Variants in EYS observed in about 807,000 individuals in gnomAD.
The protein encoded by EYS is protein eyes shut homolog.
Under a neutral mutation model 282.1 loss-of-function variants are expected in EYS, and 250 were observed. The ratio of observed to expected loss-of-function variants is 0.89; its 90% confidence interval spans 0.80 to 0.98. The LOEUF is 0.98. Among genes scored for constraint, EYS ranks in the 50% least tolerant of loss-of-function variants. The pLI, the probability that EYS is intolerant of heterozygous loss-of-function variation, is 0.00. For synonymous variants in EYS, 1,355 were observed against 1,282.9 expected, an observed-to-expected ratio of 1.06 and a Z score of -1.20; for missense variants, 4,016 against 3,709.0, an observed-to-expected ratio of 1.08 and a Z score of -2.15.
intron 29 of EYS, among the ~76,000 whole-genome samples, chr6:64,314,219 G>T (rs1399388700): frequency 1.7e-4 from 4 of 23,140 alleles, no homozygotes; most frequent in East Asian, 1.6e-3. Flanking sequence ...AAAAAAAAAA[G>T]CAGGGGTTGC....
intron 13 of EYS, among the ~76,000 whole-genome samples, chr6:65,048,642 A>C (rs867199808): frequency 6.6e-6 from 1 of 151,882 alleles, no homozygotes; most frequent in Admixed American, 6.6e-5. Flanking sequence ...GGATTATTTA[A>C]AGGAAACCTT....
intron 29 of EYS, among the ~76,000 whole-genome samples, chr6:64,321,412 T>TAATAAATA (rs978672259): frequency 8.6e-5 from 13 of 151,856 alleles, no homozygotes; most frequent in African/African-American, 3.1e-4. Flanking sequence ...ATTTGAAAGC[T>TAATAAATA]AATAAATAAT....
At chr6:64,850,151 T>C (rs1262743414) in intron 19 of EYS, among the ~76,000 whole-genome samples, 1 of 152,118 alleles carries the variant, frequency 6.6e-6, no homozygotes, top group Non-Finnish European at 1.5e-5. Context: ...TGCCACATCA[T>C]AAACAGCGAA....
intron 2 of EYS, among the ~76,000 whole-genome samples, chr6:65,548,208 G>A (rs532424154): frequency 3.7e-5 from 4 of 109,010 alleles, no homozygotes; most frequent in South Asian, 3.4e-4. Context: ...CATACTTAAT[G>A]CAGAATTTAT....
At chr6:63,841,974 A>G (rs879754807) in intron 36 of EYS, among the ~76,000 whole-genome samples, 10 of 152,046 alleles carry the variant, frequency 6.6e-5, no homozygotes, top group Non-Finnish European at 1.3e-4. Flanking sequence ...TATTCCATGT[A>G]TATGTGCCAC....
intron 22 of EYS, among the ~76,000 whole-genome samples, chr6:64,766,649 A>AAAAAAAAAAAAAATATATATAT (rs1387919586): frequency 5.2e-5 from 1 of 19,068 alleles, no homozygotes; most frequent in African/African-American, 1.8e-4. Flanking sequence ...AAAAAAAAAA[A>AAAAAAAAAAAAAATATATATAT]ATATATATAT....
chr6:65,461,898 T>G (rs572509879), intron 5 of EYS, among the ~76,000 whole-genome samples: 115 of 152,258 alleles, frequency 7.6e-4, no homozygotes, highest in African/African-American at 2.5e-3. Flanking sequence ...CTTATAAAAT[T>G]AAACTATACT....
At chr6:63,977,722 C>A (rs1009436266) in intron 35 of EYS, among the ~76,000 whole-genome samples, 4 of 151,918 alleles carry the variant, frequency 2.6e-5, no homozygotes, top group African/African-American at 9.7e-5. Flanking sequence ...GATCCAGGAC[C>A]GAGTTTGTGT....
intron 35 of EYS, among the ~76,000 whole-genome samples, chr6:63,906,899 A>G (rs1040785429): frequency 3.1e-4 from 46 of 146,904 alleles, no homozygotes; most frequent in African/African-American, 1.2e-3. Flanking sequence ...GTCAGTTAAG[A>G]AAAAAAAAAC....
intron 41 of EYS, among the ~76,000 whole-genome samples, chr6:63,752,485 G>C (rs1045972218): frequency 4.3e-5 from 6 of 140,122 alleles, no homozygotes; most frequent in Admixed American, 1.5e-4. Context: ...TAACATAATT[G>C]TTTAATTTCT....
intron 12 of EYS, among the ~76,000 whole-genome samples, chr6:65,100,537 A>G (rs924014519): frequency 6.6e-6 from 1 of 150,882 alleles, no homozygotes; most frequent in African/African-American, 2.4e-5. Flanking sequence ...AAAAATTGCT[A>G]AAGGTAACAA....
chr6:65,171,021 AACAG>A (rs1765092391), intron 12 of EYS, among the ~76,000 whole-genome samples: 1 of 151,540 alleles, frequency 6.6e-6, no homozygotes, highest in Non-Finnish European at 1.5e-5. Context: ...AGGCAACTCC[AACAG>A]ACAATGAATA....
intron 22 of EYS, among the ~76,000 whole-genome samples, chr6:64,699,476 T>C (rs1770707275): frequency 6.6e-6 from 1 of 151,936 alleles, no homozygotes; most frequent in Non-Finnish European, 1.5e-5. Flanking sequence ...AAACTTAAAA[T>C]AAAAGTTAAT....
At chr6:64,300,394 G>A (rs748355702) in intron 30 of EYS, among the ~76,000 whole-genome samples, 36 of 152,088 alleles carry the variant, frequency 2.4e-4, no homozygotes, top group Non-Finnish European at 4.7e-4. Context: ...GTATACAAGC[G>A]ACATCCCAGA....
chr6:64,245,227 T>TA (rs35085468), intron 30 of EYS, among the ~76,000 whole-genome samples: 1 of 152,170 alleles, frequency 6.6e-6, no homozygotes, highest in Non-Finnish European at 1.5e-5. Flanking sequence ...TATGCAGTCA[T>TA]AAAAAAGGAT....
At chr6:64,837,566 CAT>C (rs370205965) in intron 19 of EYS, among the ~76,000 whole-genome samples, 2 of 147,470 alleles carry the variant, frequency 1.4e-5, no homozygotes, top group African/African-American at 5.0e-5. Flanking sequence ...TTTCAGATGA[CAT>C]ATATATATAA....
chr6:64,916,096 T>C (rs1335286238), intron 15 of EYS, among the ~76,000 whole-genome samples: 1 of 152,192 alleles, frequency 6.6e-6, no homozygotes, highest in African/African-American at 2.4e-5. Context: ...TCAGTTAATA[T>C]ACTATGGCAA....
chr6:64,059,960 A>T (rs1042394372), intron 33 of EYS, among the ~76,000 whole-genome samples: 1 of 152,196 alleles, frequency 6.6e-6, no homozygotes, highest in Non-Finnish European at 1.5e-5. Flanking sequence ...AAGAGCTGAT[A>T]AAAAGATACA....
At chr6:65,018,667 C>T (rs972583637) in intron 13 of EYS, among the ~76,000 whole-genome samples, 3 of 152,004 alleles carry the variant, frequency 2.0e-5, no homozygotes, top group Non-Finnish European at 4.4e-5. Context: ...AGAGGTTTTT[C>T]TGTATGTTGG....
Sources: allele counts gnomAD v4.1 joint callset (sites outside exome capture counted in the v4.1 genomes callset), GRCh38; gene constraint gnomAD v4.1.1; transcripts MANE v1.5; gene names NCBI Gene and HGNC (gene_info 2026-07-23, HGNC 2026-07-21).